SCAF4: variants seen among roughly 807,000 people sequenced by gnomAD.
SCAF4 encodes the protein SR-related CTD associated factor 4, also known as SR-related and CTD-associated factor 4.
In SCAF4, 25 loss-of-function variants were observed where a neutral mutation model predicts 129.8. The ratio of observed to expected loss-of-function variants is 0.19; its 90% CI spans 0.14 to 0.27. The LOEUF is 0.27. Ranked by LOEUF, SCAF4 falls within the 10% of genes least tolerant of loss-of-function variation. The pLI, the probability that SCAF4 is intolerant of heterozygous loss-of-function variation, is 1.00. For synonymous variants in SCAF4, 551 were observed against 497.7 expected (o/e 1.11, Z -1.43); for missense variants, 1,246 against 1,457.1 (o/e 0.86, Z 2.36).
Position 31,696,610 on chromosome 21 carries a change from A to G in SCAF4, c.918T>C (p.Ala306=). Residue 306 remains alanine (A), a synonymous_variant, in exon 8 of 20, where the codon GCT becomes GCC. Transcript: ENST00000286835. ...PAPTATVPAA[A]APAAASPPPP... is the part of the protein sequence containing the mutation. Reference sequence around the variant, plus strand: ...GAGGAGGAGAGGCAGCAGCGGGTGCAGCAGCAGCAGGCACGGTGGCGGTGG... The same window carrying G: ...GAGGAGGAGAGGCAGCAGCGGGTGCGGCAGCAGCAGGCACGGTGGCGGTGG... The G allele has an allele frequency of 6.2e-7, 1 of 1,600,902 alleles. No individual in the cohort carries two copies. Among genetic ancestry groups the G allele is most frequent in the Non-Finnish European group, 8.5e-7 (1 of 1,172,360 alleles).
chr21:31,709,421 A>C (rs1285423882), intron 1 of SCAF4, among the ~76,000 whole-genome samples: 1 of 152,128 alleles, frequency 6.6e-6, no homozygotes, highest in Non-Finnish European at 1.5e-5. Context: ...GGTCATTAAA[A>C]GCTTAGAGTA....
chr21:31,730,302 A>G (rs908477580), intron 1 of SCAF4, among the ~76,000 whole-genome samples: 1 of 152,196 alleles, frequency 6.6e-6, no homozygotes, highest in African/African-American at 2.4e-5. Context: ...AGGACATATT[A>G]TTTTTATTGT....
At position 31,685,232 on chromosome 21, in the gene SCAF4, C is replaced by T. The variant is rs1294373262; in HGVS notation, c.2305G>A (p.Ala769Thr). 2.5e-6 allele frequency: 4 copies of T among 1,596,332 alleles called. No individual in the cohort carries two copies. Among genetic ancestry groups the T allele is most frequent in the South Asian group, 2.2e-5 (2 of 90,566 alleles). ...TTTGTAGTGTCTTCATTTATACCAG[C>T]GATAGTAGCTAAGGAATATAATTAT... Reference protein sequence around the residue: ...PPISIPNSTIAGINEDTTKDL... With the variant: ...PPISIPNSTITGINEDTTKDL... The change falls in exon 19 of 20, where the codon GCT becomes ACT. Residue 769 changes from alanine to threonine, a missense_variant. By Grantham distance (58) the Ala-to-Thr change is moderately conservative. This residue lies in a region of SCAF4 where 468 missense variants were observed against 605.5 expected (regional missense o/e 0.77). Coordinates refer to ENST00000286835, the MANE Select transcript of SCAF4 (RefSeq NM_020706.2).
chr21:31,702,195 T>C, intron 5 of SCAF4, 49 bp downstream of exon 5: 1 of 1,610,450 alleles, frequency 6.2e-7, no homozygotes, highest in Non-Finnish European at 8.5e-7. Context: ...CTGTTTCATG[T>C]GCAAAAAATC....
intron 10 of SCAF4, 69 bp from the exon 11 acceptor site, chr21:31,694,358 CA>C: frequency 1.0e-6 from 1 of 981,348 alleles, no homozygotes; most frequent in Non-Finnish European, 1.5e-6. Flanking sequence ...CAAAATCTAA[CA>C]AAAGCTATAT....
chr21:31,712,416 C>A (rs1451471784), intron 1 of SCAF4, among the ~76,000 whole-genome samples: 1 of 151,454 alleles, frequency 6.6e-6, no homozygotes, highest in Non-Finnish European at 1.5e-5. Flanking sequence ...TGGGGTTTTG[C>A]CATGTTGCCC....
chr21:31,692,672 C>T (rs1029730048), intron 12 of SCAF4, among the ~76,000 whole-genome samples: 1 of 152,178 alleles, frequency 6.6e-6, no homozygotes, highest in Non-Finnish European at 1.5e-5. Context: ...TTGGAAAAAA[C>T]TGGTTTTTTT....
At chr21:31,693,540 A>G (rs1285185078) in intron 11 of SCAF4, 56 bp from the exon 12 acceptor site, 10 of 1,165,664 alleles carry the variant, frequency 8.6e-6, no homozygotes, top group Non-Finnish European at 1.1e-5. Flanking sequence ...ACCAGAAAAT[A>G]TAAGCACATA....
chr21:31,672,058 G>A lies in SCAF4; in HGVS notation c.2785C>T (p.Pro929Ser), dbSNP rs142291016. 40 of 1,613,178 alleles carry A rather than the reference G, an allele frequency of 2.5e-5. No individual in the cohort carries two copies. Among genetic ancestry groups the A allele is most frequent in the Non-Finnish European group, 3.0e-5 (35 of 1,179,542 alleles). The change falls in exon 20 of 20, where the codon CCA becomes TCA. Residue 929 changes from proline to serine, a missense_variant. Physicochemically the swap from Pro to Ser is moderately conservative, Grantham distance 74 (BLOSUM62 -1). Coordinates refer to ENST00000286835, the MANE Select transcript of SCAF4 (RefSeq NM_020706.2). ...CTGTCTTCAGGACCCCCTGGGCCTG[G>A]CCCTGGGCCCCCGAGCCCTGGCATT... is the stretch of plus-strand genomic sequence containing the variant. ...GGMPGLGGPG[P>S]GPGGPEDRDG... is the part of the protein sequence containing the mutation.
chr21:31,678,221 C>T (rs2049908464), intron 19 of SCAF4, among the ~76,000 whole-genome samples: 1 of 152,122 alleles, frequency 6.6e-6, no homozygotes, highest in Non-Finnish European at 1.5e-5. Context: ...TGATAGGCTC[C>T]CCTCAAACCC....
chr21:31,717,904 TAC>T (rs35191665), intron 1 of SCAF4, among the ~76,000 whole-genome samples: 18,577 of 117,440 alleles, frequency 0.16, 1,452 homozygotes, highest in Middle Eastern at 0.19. Flanking sequence ...TACACATATA[TAC>T]ACACACACAC....
intron 1 of SCAF4, among the ~76,000 whole-genome samples, chr21:31,714,852 G>C (rs541728697): frequency 7.5e-4 from 115 of 152,328 alleles, no homozygotes; most frequent in African/African-American, 2.7e-3. Context: ...CATAAGTGCT[G>C]AGTAAATGGA....
intron 1 of SCAF4, among the ~76,000 whole-genome samples, chr21:31,708,366 C>T (rs572125286): frequency 6.7e-6 from 1 of 149,230 alleles, no homozygotes; most frequent in African/African-American, 2.5e-5. Context: ...GGCGACAGAG[C>T]GAGACTCTGT....
intron 19 of SCAF4, among the ~76,000 whole-genome samples, chr21:31,681,043 A>C (rs939436309): frequency 6.6e-6 from 1 of 152,242 alleles, no homozygotes; most frequent in African/African-American, 2.4e-5. Flanking sequence ...CCAGGACTGC[A>C]GCGCAGCACA....
chr21:31,719,465 C>T (rs2051018425), intron 1 of SCAF4, among the ~76,000 whole-genome samples: 1 of 152,040 alleles, frequency 6.6e-6, no homozygotes, highest in Non-Finnish European at 1.5e-5. Context: ...TTTCTGAAAA[C>T]TTACTCTATA....
intron 1 of SCAF4, among the ~76,000 whole-genome samples, chr21:31,717,114 CAA>C (rs1465371409): frequency 2.0e-5 from 3 of 152,042 alleles, no homozygotes; most frequent in Non-Finnish European, 4.4e-5. Context: ...TAGCATAAAG[CAA>C]AAAGAGTACT....
At chr21:31,699,384 A>G (rs902920492) in intron 7 of SCAF4, among the ~76,000 whole-genome samples, 1 of 152,218 alleles carries the variant, frequency 6.6e-6, no homozygotes, top group African/African-American at 2.4e-5. Flanking sequence ...GGAAAACCAA[A>G]TATGTGAGTT....
At chr21:31,678,287 A>G (rs2049910472) in intron 19 of SCAF4, among the ~76,000 whole-genome samples, 1 of 152,206 alleles carries the variant, frequency 6.6e-6, no homozygotes, top group Non-Finnish European at 1.5e-5. Flanking sequence ...AGTTGCTCAC[A>G]TAAAAAACGA....
At position 31,732,012 on chromosome 21, in the gene SCAF4, C is replaced by CA. The variant is rs2051376947; in HGVS notation, c.-321dup. 4.2e-6 allele frequency: 2 copies of CA among 471,888 alleles called. No individual in the cohort carries two copies. Among genetic ancestry groups the CA allele is most frequent in the Non-Finnish European group, 3.7e-6 (1 of 272,364 alleles). 29.2% of individuals were successfully genotyped at this position (471,888 alleles called of 1,614,324 possible). A position where few individuals can be genotyped will look rare whatever the true frequency, so the allele number is the denominator to read the frequency against. On this transcript the variant is annotated 5_prime_UTR_variant, in exon 1 of 20. Transcript: ENST00000286835. ...TCGCTGACACGGCCCCCCGCGCCCT[C>CA]ACGCACTGGCTCACACTGGCCCGGC...
Sources: allele counts gnomAD v4.1 joint callset (sites outside exome capture counted in the v4.1 genomes callset), GRCh38; gene constraint gnomAD v4.1.1; regional missense constraint gnomAD v4.1.1; transcripts MANE v1.5; gene names NCBI Gene and HGNC (gene_info 2026-07-23, HGNC 2026-07-21).